LRRFIP1: variants seen among roughly 807,000 people sequenced by gnomAD.
LRRFIP1 encodes LRR binding FLII interacting protein 1.
A neutral mutation model predicts 104.4 loss-of-function variants in LRRFIP1; 62 were observed. The ratio of observed to expected loss-of-function variants is 0.59; its 90% CI spans 0.48 to 0.73. The LOEUF (loss-of-function observed/expected upper bound fraction) is 0.73. Ranked by LOEUF, LRRFIP1 falls within the 30% of genes least tolerant of loss-of-function variation. The probability of loss-of-function intolerance (pLI) is 0.00; values close to 1 mark genes in which losing one functional copy is unlikely to be tolerated. For synonymous variants in LRRFIP1, 300 were observed against 299.0 expected (o/e 1.00, Z -0.03); for missense variants, 796 against 824.5 (o/e 0.97, Z 0.42).
chr2:237,701,138 T>C (rs2093498290), intron 1 of LRRFIP1, among the ~76,000 whole-genome samples: 1 of 152,182 alleles, frequency 6.6e-6, no homozygotes, highest in Admixed American at 6.5e-5. Context: ...GTGGGGCTTT[T>C]GAAGCAAGCT....
At chr2:237,777,951 A>C (rs934753686) in intron 23 of LRRFIP1, among the ~76,000 whole-genome samples, 1 of 152,024 alleles carries the variant, frequency 6.6e-6, no homozygotes, top group African/African-American at 2.4e-5. Context: ...ATTTTTTTTA[A>C]AAAGTGTCTT....
chr2:237,708,507 T>C (rs2093922696), intron 1 of LRRFIP1, 37 bp from the exon 2 acceptor site: 18 of 1,502,664 alleles, frequency 1.2e-5, no homozygotes, highest in Non-Finnish European at 1.4e-5. Flanking sequence ...AGGTGCCCGC[T>C]GCTCTGTCCT....
chr2:237,779,380 A>G, intron 23 of LRRFIP1, 42 bp from the exon 24 acceptor site: 1 of 1,602,656 alleles, frequency 6.2e-7, no homozygotes, highest in Non-Finnish European at 8.5e-7. Flanking sequence ...TGTTTGGAGG[A>G]AACAAGTTCC....
chr2:237,758,868 C>A (rs771398531), intron 18 of LRRFIP1, 47 bp downstream of exon 18: 2 of 1,309,170 alleles, frequency 1.5e-6, no homozygotes, highest in East Asian at 4.9e-5. Flanking sequence ...GAAAAAAAAT[C>A]CAGGTGACAA....
At chr2:237,713,121 C>T (rs759954790) in intron 2 of LRRFIP1, among the ~76,000 whole-genome samples, 9 of 151,638 alleles carry the variant, frequency 5.9e-5, no homozygotes, top group Non-Finnish European at 1.2e-4. Flanking sequence ...GGGTTGGTAT[C>T]CCCCAAGGAA....
intron 14 of LRRFIP1, among the ~76,000 whole-genome samples, chr2:237,752,372 C>G (rs2058727513): frequency 6.6e-6 from 1 of 152,246 alleles, no homozygotes. Context: ...TGCCACTGCA[C>G]TCCAGCCTGG....
intron 1 of LRRFIP1, among the ~76,000 whole-genome samples, chr2:237,630,543 A>C (rs1425667119): frequency 1.3e-5 from 2 of 152,258 alleles, no homozygotes; most frequent in Non-Finnish European, 2.9e-5. Context: ...AGGTTTGGAC[A>C]TGAGAGAGAA....
chr2:237,652,364 C>T (rs1359884882), intron 1 of LRRFIP1, among the ~76,000 whole-genome samples: 2 of 152,114 alleles, frequency 1.3e-5, no homozygotes, highest in Non-Finnish European at 2.9e-5. Flanking sequence ...GTGCCAGTGC[C>T]GAGAGGTCAC....
chr2:237,723,698 G>A (rs1182453160), intron 7 of LRRFIP1, 112 bp downstream of exon 7: 2 of 1,382,072 alleles, frequency 1.4e-6, no homozygotes, highest in Non-Finnish European at 1.0e-6. Context: ...TTTTTGCCTG[G>A]GGGGCTATGA....
chr2:237,680,429 A>C (rs2149630633), intron 1 of LRRFIP1, among the ~76,000 whole-genome samples: 1 of 152,362 alleles, frequency 6.6e-6, no homozygotes, highest in South Asian at 2.1e-4. Context: ...AATACAGTCT[A>C]ACAACTATTT....
chr2:237,728,026 C>A, intron 8 of LRRFIP1, 91 bp downstream of exon 8: 3 of 925,914 alleles, frequency 3.2e-6, no homozygotes, highest in South Asian at 3.2e-5. Context: ...TTAAATTTAG[C>A]TTCTTTGCTG....
intron 11 of LRRFIP1, among the ~76,000 whole-genome samples, chr2:237,744,382 G>A (rs1399478244): frequency 6.6e-6 from 1 of 152,024 alleles, no homozygotes; most frequent in African/African-American, 2.4e-5. Flanking sequence ...TTTGTACCTG[G>A]GCCCTTGAGT....
chr2:237,657,305 A>G (rs2086977280), intron 1 of LRRFIP1, among the ~76,000 whole-genome samples: 1 of 152,248 alleles, frequency 6.6e-6, no homozygotes, highest in Admixed American at 6.5e-5. Context: ...GGAGTATTCT[A>G]AGAGGAAAAC....
rs1014047385 is a variant in LRRFIP1 at position 237,717,658 on chromosome 2, G to C, written c.202-104G>C. ...CCTTGGCGTGTTACCTTCACCACAC[G>C]GCTGGATGGCGGTTTGGAAATGCAT... On this transcript the variant is annotated intron_variant, in intron 3 of 23. Transcript: ENST00000308482. The surrounding 1 kb of genome is among the most constrained non-coding windows in gnomAD (Gnocchi z 4.2). 19 of 906,484 alleles carry C rather than the reference G, an allele frequency of 2.1e-5. No homozygotes were observed. The highest frequency in any genetic ancestry group is 2.1e-4 in the South Asian group (16 of 76,772). 56.2% of individuals were successfully genotyped at this position (906,484 alleles called of 1,614,324 possible). A position where few individuals can be genotyped will look rare whatever the true frequency, so the allele number is the denominator to read the frequency against.
chr2:237,760,717 TG>T (rs1372982682), intron 19 of LRRFIP1, among the ~76,000 whole-genome samples: 1 of 152,166 alleles, frequency 6.6e-6, no homozygotes, highest in East Asian at 1.9e-4. Context: ...CAGGTCCGTC[TG>T]TGTTGCCTTT....
intron 20 of LRRFIP1, among the ~76,000 whole-genome samples, chr2:237,771,563 C>CG (rs1185537533): frequency 3.2e-5 from 3 of 92,722 alleles, no homozygotes; most frequent in African/African-American, 5.1e-5. Context: ...CCCCCCCCCC[C>CG]CCGCCCAGAT....
chr2:237,732,420 T>G (rs140252249), intron 8 of LRRFIP1, among the ~76,000 whole-genome samples: 2 of 152,368 alleles, frequency 1.3e-5, no homozygotes, highest in African/African-American at 4.8e-5. Flanking sequence ...GTCTGTCTCC[T>G]TTTCACATCA....
At chr2:237,727,408 T>C (rs1424029532) in intron 7 of LRRFIP1, among the ~76,000 whole-genome samples, 1 of 148,942 alleles carries the variant, frequency 6.7e-6, no homozygotes, top group Non-Finnish European at 1.5e-5. Flanking sequence ...TTATGGCCCA[T>C]AGCATCACAA....
Position 237,780,116 on chromosome 2 carries a change from C to T in LRRFIP1, c.*584C>T, listed in dbSNP as rs1024272285. The stretch of plus-strand genomic sequence containing the variant: ...CCTTAAGAAGACTCTTTACAGGCAA[C>T]AAATGAAGCTTTTCTAAGGGATTTT... On this transcript the variant is annotated 3_prime_UTR_variant, in exon 24 of 24. Transcript: ENST00000308482. 1 of 152,160 alleles carries T rather than the reference C, an allele frequency of 6.6e-6. No homozygotes were observed. The highest frequency in any genetic ancestry group is 2.4e-5 in the African/African-American group (1 of 41,440). 9.4% of individuals were successfully genotyped at this position (152,160 alleles called of 1,614,324 possible).
Sources: allele counts gnomAD v4.1 joint callset (sites outside exome capture counted in the v4.1 genomes callset), GRCh38; gene constraint gnomAD v4.1.1; non-coding constraint Gnocchi (gnomAD v3.1); transcripts MANE v1.5; gene names NCBI Gene and HGNC (gene_info 2026-07-23, HGNC 2026-07-21).